Variants in RFWD3 observed in about 807,000 individuals in gnomAD.
RFWD3 encodes the protein ring finger and WD repeat domain 3.
In RFWD3, 65 loss-of-function variants were observed where a neutral mutation model predicts 87.7. The observed-to-expected ratio is 0.74, with a 90% confidence interval of 0.61 to 0.91. The LOEUF is 0.91. Ranked by LOEUF, RFWD3 falls within the 40% of genes least tolerant of loss-of-function variation. The probability of loss-of-function intolerance (pLI) is 0.00; values close to 1 mark genes in which losing one functional copy is unlikely to be tolerated. For synonymous variants in RFWD3, 433 were observed against 352.8 expected, an observed-to-expected ratio of 1.23 and a Z score of -2.55; for missense variants, 1,078 against 938.5, an observed-to-expected ratio of 1.15 and a Z score of -1.94.
chr16:74,624,008 T>A lies in RFWD3; in HGVS notation c.2245A>T (p.Ile749Phe), dbSNP rs747371853. 1.2e-6 allele frequency: 2 copies of A among 1,614,098 alleles called. No homozygotes were observed. Among genetic ancestry groups the A allele is most frequent in the African/African-American group, 2.7e-5 (2 of 75,024 alleles). ...TTACGGTTCACCTCAAATGGGCAGA[T>A]GTCCAACACAGGCTGATCGGTCTGT... ...DLQTDQPVLD[I>F]CPFEVNRNSY... The change falls in exon 13 of 13, where the codon ATC becomes TTC. Residue 749 changes from isoleucine (I) to phenylalanine (F), a missense_variant. Physicochemically the swap from Ile to Phe is conservative, Grantham distance 21. Transcript: ENST00000361070.
At chr16:74,641,568 T>C (rs984765498) in intron 6 of RFWD3, among the ~76,000 whole-genome samples, 2 of 151,840 alleles carry the variant, frequency 1.3e-5, no homozygotes, top group African/African-American at 4.8e-5. Flanking sequence ...AAGCATAAAA[T>C]TAAGCAAAAA....
chr16:74,630,936 G>C lies in RFWD3; in HGVS notation c.1599C>G (p.Val533=). 1 of 1,611,014 alleles carries C rather than the reference G, an allele frequency of 6.2e-7. No homozygotes were observed. The highest frequency in any genetic ancestry group is 8.5e-7 in the Non-Finnish European group (1 of 1,179,238). Residue 533 remains valine, a synonymous_variant, in exon 10 of 13, where the codon GTC becomes GTG. Coordinates refer to ENST00000361070, the MANE Select transcript of RFWD3 (RefSeq NM_018124.4). The stretch of plus-strand genomic sequence containing the variant: ...CAGGACGTCCAGCATTATAAGTCTG[G>C]ACCACGGTATTTGTCTCCAGGCTGT... ...KLTSLETNTV[V]QTYNAGRPVW...
At chr16:74,643,669 G>GCTT (rs56803461) in intron 6 of RFWD3, among the ~76,000 whole-genome samples, 1,816 of 104,962 alleles carry the variant, frequency 0.017, 218 homozygotes, top group East Asian at 0.041. Flanking sequence ...ACTAGCAACT[G>GCTT]TTTTTTTTTT....
intron 8 of RFWD3, among the ~76,000 whole-genome samples, chr16:74,633,235 C>T (rs1007100302): frequency 2.7e-5 from 4 of 148,838 alleles, no homozygotes; most frequent in South Asian, 2.1e-4. Context: ...CAAGATTGCA[C>T]CACTACACTC....
At chr16:74,630,423 C>T (rs1366277342) in intron 10 of RFWD3, among the ~76,000 whole-genome samples, 1 of 152,156 alleles carries the variant, frequency 6.6e-6, no homozygotes, top group Admixed American at 6.6e-5. Flanking sequence ...AGCAAGTCTA[C>T]ATTGACCAGA....
At chr16:74,660,712 C>T in intron 2 of RFWD3, 2 of 537,780 alleles carry the variant, frequency 3.7e-6, no homozygotes, top group Non-Finnish European at 6.6e-6. Context: ...CAGAGATTGC[C>T]AACAAACTAC....
chr16:74,626,254 A>G, intron 12 of RFWD3, 89 bp downstream of exon 12: 1 of 1,155,430 alleles, frequency 8.7e-7, no homozygotes, highest in Non-Finnish European at 1.3e-6. Context: ...TTGCTATATG[A>G]GCTTCTGTAA....
intron 7 of RFWD3, among the ~76,000 whole-genome samples, chr16:74,637,519 C>T (rs770712586): frequency 2.0e-5 from 3 of 151,880 alleles, no homozygotes; most frequent in African/African-American, 4.8e-5. Flanking sequence ...CCCAGCACCT[C>T]GAGATGCTGA....
intron 9 of RFWD3, among the ~76,000 whole-genome samples, chr16:74,632,094 AAC>A (rs2144074324): frequency 6.6e-6 from 1 of 152,254 alleles, no homozygotes; most frequent in African/African-American, 2.4e-5. Flanking sequence ...GACCAAAAAA[AAC>A]AGAGCTAAGG....
At chr16:74,643,557 G>C (rs962323540) in intron 6 of RFWD3, among the ~76,000 whole-genome samples, 3 of 151,676 alleles carry the variant, frequency 2.0e-5, no homozygotes, top group Non-Finnish European at 2.9e-5. Context: ...GATTTTGCCT[G>C]TGTACATCCA....
chr16:74,639,036 CTTTTTTTT>C (rs564298799), intron 6 of RFWD3, among the ~76,000 whole-genome samples: 1 of 132,100 alleles, frequency 7.6e-6, no homozygotes, highest in East Asian at 2.2e-4. Context: ...TGAGCTAAGA[CTTTTTTTT>C]TTTTTTTTTT....
At chr16:74,649,100 A>AATAC (rs1361792218) in intron 4 of RFWD3, 32 bp downstream of exon 4, 2 of 1,420,186 alleles carry the variant, frequency 1.4e-6, no homozygotes, top group Non-Finnish European at 1.9e-6. Context: ...TAAATAAATA[A>AATAC]ATAGATTTTT....
At position 74,644,382 on chromosome 16, in the gene RFWD3, A is replaced by G; in HGVS notation, c.1059T>C (p.Ser353=). Reference sequence around the variant, plus strand: ...CCTACCTTTTCATGCGCTCCTGTTCACTAGTGTCCAAAGCTCTCAGGGTTC... The same window carrying G: ...CCTACCTTTTCATGCGCTCCTGTTCGCTAGTGTCCAAAGCTCTCAGGGTTC... ...YARTLRALDT[S]EQERMKSSLL... is the part of the protein sequence containing the mutation. Residue 353 remains serine (S), a synonymous_variant, in exon 6 of 13, where the codon AGT becomes AGC. Coordinates refer to ENST00000361070, the MANE Select transcript of RFWD3 (RefSeq NM_018124.4). 6.2e-7 allele frequency: 1 copy of G among 1,614,164 alleles called. No individual in the cohort carries two copies. The highest frequency in any genetic ancestry group is 8.5e-7 in the Non-Finnish European group (1 of 1,180,022).
chr16:74,629,884 A>G (rs1486005656), intron 10 of RFWD3, among the ~76,000 whole-genome samples: 1 of 152,146 alleles, frequency 6.6e-6, no homozygotes, highest in East Asian at 1.9e-4. Context: ...GGGCAGCTCA[A>G]CACATTCTAA....
At position 74,632,489 on chromosome 16, in the gene RFWD3, G is replaced by T. The variant is rs200891821; in HGVS notation, c.1577+34C>A. ...ATTCCATGCTACTCAACACCAAAGA[G>T]CCCAGTCTCCACCTACTTCCCCAAA... On this transcript the variant is annotated intron_variant, in intron 9 of 12. Transcript: ENST00000361070. 12 of 1,610,290 alleles carry T rather than the reference G, an allele frequency of 7.5e-6. No homozygotes were observed. The East Asian group carries it at 2.7e-4, about 36-fold the overall frequency.
chr16:74,658,107 A>C (rs1961141226), intron 2 of RFWD3, among the ~76,000 whole-genome samples: 1 of 152,212 alleles, frequency 6.6e-6, no homozygotes, highest in African/African-American at 2.4e-5. Context: ...TTGGGAGCAC[A>C]GATTTAGAAC....
At chr16:74,651,130 T>A (rs1960529237) in intron 3 of RFWD3, among the ~76,000 whole-genome samples, 1 of 152,204 alleles carries the variant, frequency 6.6e-6, no homozygotes, top group South Asian at 2.1e-4. Context: ...AAGAATATTC[T>A]TTCAGTGGTA....
intron 6 of RFWD3, among the ~76,000 whole-genome samples, chr16:74,640,083 T>C (rs1024693681): frequency 2.6e-5 from 4 of 152,178 alleles, no homozygotes; most frequent in African/African-American, 7.2e-5. Context: ...CTGGGGGCTC[T>C]TGAAATGTAT....
Position 74,630,920 on chromosome 16 carries a change from C to G in RFWD3, c.1615G>C (p.Gly539Arg). 1 of 1,613,922 alleles carries G rather than the reference C, an allele frequency of 6.2e-7. No individual in the cohort carries two copies. Among genetic ancestry groups the G allele is most frequent in the Non-Finnish European group, 8.5e-7 (1 of 1,179,932 alleles). Reference protein sequence around the residue: ...TNTVVQTYNAGRPVWSCCWCL... With the variant: ...TNTVVQTYNARRPVWSCCWCL... ...CAGCAACAGCTCCAGACAGGACGTC[C>G]AGCATTATAAGTCTGGACCACGGTA... The change falls in exon 10 of 13, where the codon GGA becomes CGA. Residue 539 changes from glycine to arginine, a missense_variant. Transcript: ENST00000361070.
Sources: gnomAD v4.1 joint callset for allele counts (sites outside exome capture counted in the v4.1 genomes callset) on GRCh38, gnomAD v4.1.1 for gene constraint, MANE v1.5 for transcripts, NCBI Gene and HGNC (gene_info 2026-07-23, HGNC 2026-07-21) for gene names.